Variants in HIVEP1 observed in about 807,000 individuals in gnomAD.
HIVEP1 encodes zinc finger protein 40.
In HIVEP1, 36 loss-of-function variants were observed where a neutral mutation model predicts 180.0. That is an observed-to-expected ratio of 0.20 (90% CI 0.15 to 0.26). The LOEUF (loss-of-function observed/expected upper bound fraction) is 0.26, where lower values mean the gene tolerates loss of function less well. Among genes scored for constraint, HIVEP1 ranks in the 10% least tolerant of loss-of-function variants. The pLI, the probability that HIVEP1 is intolerant of heterozygous loss-of-function variation, is 1.00. For missense variants in HIVEP1, 3,143 were observed against 3,268.7 expected, an observed-to-expected ratio of 0.96 and a Z score of 0.94; for synonymous variants, 1,239 against 1,239.0, an observed-to-expected ratio of 1.00 and a Z score of 0.00.
At chr6:12,049,487 C>T (rs931174754) in intron 2 of HIVEP1, among the ~76,000 whole-genome samples, 11 of 152,172 alleles carry the variant, frequency 7.2e-5, no homozygotes, top group Non-Finnish European at 1.3e-4. Context: ...ACCATCATGC[C>T]AGTTGCTCTG....
At chr6:12,093,665 T>C (rs907009070) in intron 3 of HIVEP1, among the ~76,000 whole-genome samples, 2 of 151,996 alleles carry the variant, frequency 1.3e-5, no homozygotes, top group Admixed American at 1.3e-4. Flanking sequence ...TGTTTTCCTT[T>C]TACTGTTTCG....
the HIVEP1 span, among the ~76,000 whole-genome samples, chr6:12,209,728 A>G: frequency 6.6e-6 from 1 of 152,354 alleles, no homozygotes; most frequent in South Asian, 2.1e-4. Context: ...TTCATTATAC[A>G]TGCATAGATA....
At chr6:12,074,619 A>AGTGTGTGT (rs113951055) in intron 2 of HIVEP1, among the ~76,000 whole-genome samples, 4,215 of 138,814 alleles carry the variant, frequency 0.03, 135 homozygotes, top group African/African-American at 0.077. Flanking sequence ...TGTATGAAAA[A>AGTGTGTGT]GTGTGTGTGT....
At chr6:12,159,032 A>AAC (rs1389182483) in intron 7 of HIVEP1, among the ~76,000 whole-genome samples, 1 of 152,104 alleles carries the variant, frequency 6.6e-6, no homozygotes, top group African/African-American at 2.4e-5. Context: ...TCTTGACTCT[A>AAC]ACCAGATACT....
chr6:12,037,722 G>A lies in HIVEP1; in HGVS notation c.40+22054G>A, dbSNP rs1284297420. On this transcript the variant is annotated intron_variant, in intron 2 of 8. Transcript: ENST00000379388. The stretch of plus-strand genomic sequence containing the variant: ...GTTTATTGTTTTTTCCTTTTTTTTT[G>A]TAGGGTCTTGCTCTTTTGCTCAGGC... 6 of 407,272 alleles carry A rather than the reference G, an allele frequency of 1.5e-5. No individual in the cohort carries two copies. The East Asian group carries it at 2.1e-4, about 15-fold the overall frequency. The allele number at this position is 407,272 out of a possible 1,614,324, so 25.2% of individuals were successfully genotyped here.
At chr6:12,196,951 A>G in the HIVEP1 span, among the ~76,000 whole-genome samples, 1 of 152,244 alleles carries the variant, frequency 6.6e-6, no homozygotes, top group South Asian at 2.1e-4. Context: ...TGAGGAATAA[A>G]AAATGTATAA....
chr6:12,128,686 C>T (rs1030381161), intron 4 of HIVEP1, among the ~76,000 whole-genome samples: 1 of 152,016 alleles, frequency 6.6e-6, no homozygotes, highest in Admixed American at 6.5e-5. Context: ...ATAAGTGAGA[C>T]AACATACTAT....
rs183226452 is a variant in HIVEP1, at chr6:12,135,163, A to G, written c.6386-628A>G. ...TCCTCCTGTCCAGTGACTTTGGGCC[A>G]TGTGGGAAAAACCCTAACCGCTTAA... On this transcript the variant is annotated intron_variant, in intron 6 of 8. Transcript: ENST00000379388. Among the ~76,000 whole-genome samples, 352 of 152,340 alleles carry G rather than the reference A, an allele frequency of 2.3e-3. 3 individuals carry two copies. The highest frequency in any genetic ancestry group is 3.2e-3 in the Non-Finnish European group (219 of 68,020).
chr6:12,017,780 A>G (rs1371109921), intron 2 of HIVEP1, among the ~76,000 whole-genome samples: 1 of 152,226 alleles, frequency 6.6e-6, no homozygotes, highest in African/African-American at 2.4e-5. Context: ...AGCTAGATAA[A>G]GAGTGCTGAT....
At chr6:12,184,511 G>A in the HIVEP1 span, among the ~76,000 whole-genome samples, 1 of 152,078 alleles carries the variant, frequency 6.6e-6, no homozygotes, top group East Asian at 1.9e-4. Context: ...TGTGGCATTC[G>A]CAAACAATCC....
the HIVEP1 span, among the ~76,000 whole-genome samples, chr6:12,201,212 C>T: frequency 1.3e-5 from 2 of 152,200 alleles, no homozygotes; most frequent in African/African-American, 2.4e-5. Flanking sequence ...TGCAATGGCT[C>T]ATGCCTATAA....
intron 6 of HIVEP1, among the ~76,000 whole-genome samples, chr6:12,132,546 A>G (rs1006193611): frequency 4.6e-5 from 7 of 152,190 alleles, no homozygotes; most frequent in African/African-American, 1.7e-4. Context: ...AAGGAAAAAT[A>G]TGATGAGTCA....
At chr6:12,108,757 C>T (rs773508694) in intron 3 of HIVEP1, among the ~76,000 whole-genome samples, 12 of 152,164 alleles carry the variant, frequency 7.9e-5, no homozygotes, top group South Asian at 2.1e-4. Context: ...CCCCGGTTCC[C>T]GCTCGCGCCT....
At chr6:12,009,192 C>G (rs1767155816), upstream of HIVEP1, among the ~76,000 whole-genome samples, 1 of 146,882 alleles carries the variant, frequency 6.8e-6, no homozygotes, top group Admixed American at 6.8e-5. Context: ...CGGGGCCGCG[C>G]CAGGGGGGTG....
intron 4 of HIVEP1, among the ~76,000 whole-genome samples, chr6:12,128,874 C>T (rs937064138): frequency 6.6e-6 from 1 of 152,108 alleles, no homozygotes; most frequent in Non-Finnish European, 1.5e-5. Flanking sequence ...GACCTGGATG[C>T]CACATTTATC....
chr6:12,135,742 A>G (rs1423302024), intron 6 of HIVEP1, 49 bp from the exon 7 acceptor site: 2 of 1,227,646 alleles, frequency 1.6e-6, no homozygotes, highest in Admixed American at 1.8e-5. Flanking sequence ...TACAAATGCA[A>G]TAGCAAAATC....
the HIVEP1 span, among the ~76,000 whole-genome samples, chr6:12,188,528 CAAGTG>C: frequency 6.6e-6 from 1 of 151,950 alleles, no homozygotes; most frequent in Non-Finnish European, 1.5e-5. Context: ...AACATAAAAA[CAAGTG>C]AATTTGATAA....
At chr6:12,016,473 T>A (rs1300928092) in intron 2 of HIVEP1, among the ~76,000 whole-genome samples, 1 of 152,176 alleles carries the variant, frequency 6.6e-6, no homozygotes, top group African/African-American at 2.4e-5. Flanking sequence ...AGAAAAAAAA[T>A]TCTGAAGCGT....
At chr6:12,077,346 C>T (rs1002297120) in intron 2 of HIVEP1, among the ~76,000 whole-genome samples, 4 of 152,154 alleles carry the variant, frequency 2.6e-5, no homozygotes, top group African/African-American at 4.8e-5. Context: ...TCCCTGGTGG[C>T]GATGCCATTG....
Sources: gnomAD v4.1 joint callset for allele counts (sites outside exome capture counted in the v4.1 genomes callset) on GRCh38, gnomAD v4.1.1 for gene constraint, MANE v1.5 for transcripts, NCBI Gene and HGNC (gene_info 2026-07-23, HGNC 2026-07-21) for gene names.